The following ABLIM1 variants were observed in gnomAD, a reference collection of about 807,000 sequenced individuals.
The protein encoded by ABLIM1 is actin-binding LIM protein 1.
ABLIM1 carries 40 observed loss-of-function variants against 107.0 expected under a neutral mutation model. The ratio of observed to expected loss-of-function variants is 0.37; its 90% CI spans 0.29 to 0.49. ABLIM1 has a LOEUF of 0.49. Ranked by LOEUF, ABLIM1 falls within the 20% of genes least tolerant of loss-of-function variation. ABLIM1 has a pLI of 0.97. For missense variants in ABLIM1, 857 were observed against 1,008.5 expected, an observed-to-expected ratio of 0.85 and a Z score of 2.04; for synonymous variants, 357 against 357.3, an observed-to-expected ratio of 1.00 and a Z score of 0.01.
chr10:114,770,136 A>C (rs2083005312), upstream of ABLIM1, among the ~76,000 whole-genome samples: 1 of 152,184 alleles, frequency 6.6e-6, no homozygotes, highest in Non-Finnish European at 1.5e-5. Context: ...TGACTAGTTC[A>C]TGTTCTACTA....
chr10:114,456,574 C>G (rs969727636), intron 12 of ABLIM1, among the ~76,000 whole-genome samples: 1 of 152,112 alleles, frequency 6.6e-6, no homozygotes, highest in Non-Finnish European at 1.5e-5. Flanking sequence ...GGAAAGTTCT[C>G]GTAGGTTTTG....
At chr10:114,436,394 AAAG>A in intron 22 of ABLIM1, 21 bp from the exon 23 acceptor site, 2 of 1,578,806 alleles carry the variant, frequency 1.3e-6, no homozygotes. Context: ...GAAAAAAAAA[AAAG>A]AGCTGCTGTC....
At chr10:114,758,039 C>T (rs1212855434) in intron 1 of ABLIM1, among the ~76,000 whole-genome samples, 1 of 152,154 alleles carries the variant, frequency 6.6e-6, no homozygotes, top group African/African-American at 2.4e-5. Context: ...CCCTCACTTC[C>T]TTCAGGTCTC....
intron 1 of ABLIM1, among the ~76,000 whole-genome samples, chr10:114,696,554 T>C (rs1033732784): frequency 6.6e-6 from 1 of 150,654 alleles, no homozygotes; most frequent in Non-Finnish European, 1.5e-5. Flanking sequence ...CAGTGGGAAA[T>C]AATTGAATCA....
At chr10:114,690,598 C>T (rs2081054247) in intron 1 of ABLIM1, 3 of 847,626 alleles carry the variant, frequency 3.5e-6, no homozygotes, top group African/African-American at 1.7e-5. Flanking sequence ...CCCAAGGGCT[C>T]ACCATTGATG....
chr10:114,786,841 G>A, the ABLIM1 span, among the ~76,000 whole-genome samples: 3 of 152,262 alleles, frequency 2.0e-5, no homozygotes, highest in Admixed American at 6.5e-5. Context: ...ATCTCGGCTC[G>A]CTACAACATC....
chr10:114,451,548 G>A, intron 14 of ABLIM1, 76 bp downstream of exon 14: 1 of 1,368,128 alleles, frequency 7.3e-7, no homozygotes, highest in East Asian at 2.3e-5. Flanking sequence ...AGCAGGAAAA[G>A]CCTTTCAGAG....
chr10:114,563,393 CA>C (rs1196199464), intron 4 of ABLIM1, among the ~76,000 whole-genome samples: 3 of 152,118 alleles, frequency 2.0e-5, no homozygotes, highest in Non-Finnish European at 4.4e-5. Context: ...GAAAGACAGA[CA>C]ACAGAGTTGT....
chr10:114,593,165 C>A (rs569190792), intron 2 of ABLIM1, among the ~76,000 whole-genome samples: 87 of 152,222 alleles, frequency 5.7e-4, no homozygotes, highest in African/African-American at 2.1e-3. Flanking sequence ...TGTCTCATAA[C>A]CTTGGTTGTA....
At chr10:114,747,048 A>T (rs1038101101) in intron 1 of ABLIM1, among the ~76,000 whole-genome samples, 4 of 152,032 alleles carry the variant, frequency 2.6e-5, no homozygotes, top group Admixed American at 2.6e-4. Flanking sequence ...TTGTTTCTTC[A>T]CTCTGCTAAT....
intron 1 of ABLIM1, among the ~76,000 whole-genome samples, chr10:114,673,553 C>A (rs2080349162): frequency 1.3e-5 from 2 of 152,202 alleles, no homozygotes; most frequent in Non-Finnish European, 2.9e-5. Context: ...CCTCTGCAGG[C>A]AGTCTCTGTG....
chr10:114,766,986 G>A (rs2082910435), intron 1 of ABLIM1, among the ~76,000 whole-genome samples: 1 of 152,034 alleles, frequency 6.6e-6, no homozygotes, highest in Non-Finnish European at 1.5e-5. Flanking sequence ...CCCATTTCTA[G>A]GTACAGATCC....
chr10:114,522,157 C>T (rs966580163), intron 6 of ABLIM1, among the ~76,000 whole-genome samples: 1 of 152,170 alleles, frequency 6.6e-6, no homozygotes, highest in Non-Finnish European at 1.5e-5. Flanking sequence ...GAAACTTAAT[C>T]TCAGAGGGCT....
the ABLIM1 span, among the ~76,000 whole-genome samples, chr10:114,788,730 AAAACAAAC>A: frequency 2.8e-3 from 421 of 152,000 alleles, no homozygotes; most frequent in African/African-American, 9.8e-3. Flanking sequence ...TCCGTCTCAA[AAAACAAAC>A]AAACAAACAA....
At chr10:114,689,625 G>A (rs1015972057), upstream of ABLIM1, among the ~76,000 whole-genome samples, 6 of 151,922 alleles carry the variant, frequency 3.9e-5, no homozygotes, top group African/African-American at 1.5e-4. Flanking sequence ...GCCTCCCAAA[G>A]TGCTGGGATT....
In ABLIM1 at chr10:114,621,934, G is replaced by C. The variant is rs536460821; in HGVS notation, c.245-19973C>G. The stretch of plus-strand genomic sequence containing the variant: ...TGGTAGCATTTTCCAGGTAAGCAGG[G>C]ACAGAGGGGCATCCAATCCTTCTTT... On this transcript the variant is annotated intron_variant, in intron 1 of 22. Transcript: ENST00000533213. Among the ~76,000 whole-genome samples, 7 of 152,340 alleles carry C rather than the reference G, an allele frequency of 4.6e-5. No individual in the cohort carries two copies. The East Asian group carries it at 5.8e-4, about 13-fold the overall frequency.
At chr10:114,721,605 C>T (rs1456215451) in intron 1 of ABLIM1, among the ~76,000 whole-genome samples, 1 of 152,100 alleles carries the variant, frequency 6.6e-6, no homozygotes, top group African/African-American at 2.4e-5. Flanking sequence ...CCTCAGCCTC[C>T]CGAGTAGCTG....
At chr10:114,609,802 G>T (rs998131005) in intron 1 of ABLIM1, among the ~76,000 whole-genome samples, 3 of 152,204 alleles carry the variant, frequency 2.0e-5, no homozygotes, top group Non-Finnish European at 4.4e-5. Flanking sequence ...AATACTTAAT[G>T]ATGTTCCAGG....
chr10:114,729,067 C>T (rs2082020368), intron 1 of ABLIM1, among the ~76,000 whole-genome samples: 1 of 151,952 alleles, frequency 6.6e-6, no homozygotes, highest in Admixed American at 6.6e-5. Context: ...AGCCAAGTTA[C>T]AGGCCTGTGC....
Sources: gnomAD v4.1 joint callset for allele counts (sites outside exome capture counted in the v4.1 genomes callset) on GRCh38, gnomAD v4.1.1 for gene constraint, MANE v1.5 for transcripts, NCBI Gene and HGNC (gene_info 2026-07-23, HGNC 2026-07-21) for gene names.